ECPAS: variants seen among roughly 807,000 people sequenced by gnomAD.
The protein encoded by ECPAS is proteasome adapter and scaffold protein ECM29.
ECPAS carries 70 observed loss-of-function variants against 255.1 expected under a neutral mutation model. The observed-to-expected ratio is 0.27, with a 90% CI of 0.23 to 0.33. The LOEUF (loss-of-function observed/expected upper bound fraction) is 0.33, where lower values mean the gene tolerates loss of function less well. Ranked by LOEUF, ECPAS falls within the 10% of genes least tolerant of loss-of-function variation. The pLI is 1.00. For synonymous variants in ECPAS, 784 were observed against 775.0 expected, an observed-to-expected ratio of 1.01 and a Z score of -0.19; for missense variants, 1,817 against 2,206.4, an observed-to-expected ratio of 0.82 and a Z score of 3.54.
rs367705478 is a variant in ECPAS, at chr9:111,391,581, C to CA, written c.3161+174dup. On this transcript the variant is annotated intron_variant, in intron 29 of 49. Transcript: ENST00000684092. ...AGGCAACAAAAGTGAGGCTCCATCT[C>CA]AAAAAAAAAAAAAAAGACATCAGAC... Among the ~76,000 whole-genome samples, 444 of 104,288 alleles carry CA rather than the reference C, an allele frequency of 4.3e-3. 2 individuals carry two copies. Among genetic ancestry groups the CA allele is most frequent in the African/African-American group, 8.3e-3 (232 of 28,116 alleles). 68.4% of individuals were successfully genotyped at this position (104,288 alleles called of 152,430 possible).
Position 111,371,616 on chromosome 9 carries a change from T to G in ECPAS, c.4737+5A>C. The G allele has an allele frequency of 6.2e-7, 1 of 1,612,508 alleles. No individual in the cohort carries two copies. Among genetic ancestry groups the G allele is most frequent in the Non-Finnish European group, 8.5e-7 (1 of 1,178,906 alleles). ...CCTTTAACTGGGTATGAATGGTTCC[T>G]TTACCTTTCCTGCCCACGTTCTTCC... On this transcript the variant is annotated splice_donor_5th_base_variant and intron_variant, in intron 43 of 49. Coordinates refer to ENST00000684092, the MANE Select transcript of ECPAS (RefSeq NM_001364929.1).
At chr9:111,388,912 T>C (rs1208971347) in intron 31 of ECPAS, among the ~76,000 whole-genome samples, 1 of 152,214 alleles carries the variant, frequency 6.6e-6, no homozygotes, top group Non-Finnish European at 1.5e-5. Context: ...GTTGGGTTTA[T>C]GGTATTCTGA....
At chr9:111,468,937 G>C (rs1004142750) in intron 2 of ECPAS, among the ~76,000 whole-genome samples, 6 of 152,014 alleles carry the variant, frequency 3.9e-5, no homozygotes, top group Non-Finnish European at 7.4e-5. Flanking sequence ...TTTTCTGGTA[G>C]ATCAATCCTG....
intron 1 of ECPAS, among the ~76,000 whole-genome samples, chr9:111,481,019 G>A (rs940676053): frequency 2.6e-5 from 4 of 152,138 alleles, no homozygotes. Context: ...ACTTTAATGT[G>A]TTTGGTTCTA....
intron 2 of ECPAS, among the ~76,000 whole-genome samples, chr9:111,454,112 A>C (rs970698385): frequency 6.6e-6 from 1 of 152,178 alleles, no homozygotes; most frequent in Admixed American, 6.5e-5. Context: ...GCTGAGTTCA[A>C]CCCACAGTGT....
chr9:111,385,481 GGTCA>G (rs1281500296), intron 32 of ECPAS, 39 bp from the exon 33 acceptor site: 25 of 1,144,020 alleles, frequency 2.2e-5, no homozygotes, highest in African/African-American at 9.4e-5. Flanking sequence ...TGATGAAAAA[GGTCA>G]GTATTTTACT....
At chr9:111,457,053 G>C (rs2098267815) in intron 2 of ECPAS, among the ~76,000 whole-genome samples, 1 of 152,150 alleles carries the variant, frequency 6.6e-6, no homozygotes, top group South Asian at 2.1e-4. Flanking sequence ...ATTTTCCTAG[G>C]AGACAGCAGT....
chr9:111,462,289 C>A (rs756439989), intron 2 of ECPAS, among the ~76,000 whole-genome samples: 3 of 152,110 alleles, frequency 2.0e-5, no homozygotes, highest in South Asian at 2.1e-4. Context: ...CTGGAAATAA[C>A]CGTCACTGAA....
At chr9:111,429,000 A>G (rs921048413) in intron 9 of ECPAS, among the ~76,000 whole-genome samples, 4 of 152,226 alleles carry the variant, frequency 2.6e-5, no homozygotes, top group African/African-American at 9.6e-5. Flanking sequence ...AGAAAAATCT[A>G]CTAAGTACTG....
intron 2 of ECPAS, among the ~76,000 whole-genome samples, chr9:111,467,838 G>A (rs1380394579): frequency 1.3e-5 from 2 of 152,104 alleles, no homozygotes; most frequent in Non-Finnish European, 2.9e-5. Context: ...AATGTTGTGA[G>A]GTGCACTTAT....
chr9:111,371,471 G>T, intron 43 of ECPAS, 150 bp downstream of exon 43: 1 of 746,658 alleles, frequency 1.3e-6, no homozygotes, highest in Non-Finnish European at 2.2e-6. Context: ...AGTTAATCAG[G>T]CAAGGTTTAC....
intron 38 of ECPAS, among the ~76,000 whole-genome samples, 162 bp from the exon 39 acceptor site, chr9:111,374,200 GC>G (rs2098130768): frequency 6.6e-6 from 1 of 152,122 alleles, no homozygotes; most frequent in African/African-American, 2.4e-5. Context: ...AACTAGTAAT[GC>G]AGCGATTTTT....
rs1021748507 is a variant in ECPAS at position 111,370,471 on chromosome 9, C to T, written c.4938G>A (p.Gln1646=). ...ILKATKEDRF[Q]EFSNIVIPLI... is the part of the protein sequence containing the mutation. ...GAGGTATGACAATGTTAGAGAACTC[C>T]TGGAATCTGTCCTCTTTGGTGGCCT... Residue 1646 remains glutamine, a synonymous_variant, in exon 45 of 50, where the codon CAG becomes CAA. Coordinates refer to ENST00000684092, the MANE Select transcript of ECPAS (RefSeq NM_001364929.1). 1.9e-6 allele frequency: 3 copies of T among 1,608,878 alleles called. No individual in the cohort carries two copies. In the African/African-American group the frequency reaches 4.0e-5, roughly 22 times the overall value.
At chr9:111,475,769 T>TA (rs1344231523) in intron 1 of ECPAS, among the ~76,000 whole-genome samples, 7 of 149,928 alleles carry the variant, frequency 4.7e-5, no homozygotes, top group African/African-American at 1.5e-4. Context: ...GCAGTGAAAG[T>TA]AAAAAAATCA....
intron 24 of ECPAS, among the ~76,000 whole-genome samples, chr9:111,407,422 A>AAAAAAAAAAAAAAAAAC (rs2098186297): frequency 6.9e-6 from 1 of 144,144 alleles, no homozygotes; most frequent in African/African-American, 2.5e-5. Flanking sequence ...AAAAAAAAAA[A>AAAAAAAAAAAAAAAAAC]AAAAAAAAAA....
chr9:111,374,914 A>C (rs1362352445), intron 38 of ECPAS, among the ~76,000 whole-genome samples, 199 bp downstream of exon 38: 1 of 152,226 alleles, frequency 6.6e-6, no homozygotes, highest in African/African-American at 2.4e-5. Flanking sequence ...ATAAGTTAAT[A>C]CTTACTGGAA....
Position 111,371,555 on chromosome 9 carries a change from T to C in ECPAS, c.4737+66A>G, listed in dbSNP as rs567210589. The C allele has an allele frequency of 1.5e-4, 209 of 1,385,672 alleles. 2 individuals carry two copies. The East Asian group carries it at 4.4e-3, about 29-fold the overall frequency. 85.8% of individuals were successfully genotyped at this position (1,385,672 alleles called of 1,614,324 possible). ...GGAAAAGTTACACAAAACCAGATCG[T>C]TACTATTATGCAAAATGAAAGATGA... On this transcript the variant is annotated intron_variant, in intron 43 of 49. Coordinates refer to ENST00000684092, the MANE Select transcript of ECPAS (RefSeq NM_001364929.1).
chr9:111,373,551 T>C (rs1257643912), intron 39 of ECPAS, 145 bp from the exon 40 acceptor site: 10 of 656,284 alleles, frequency 1.5e-5, no homozygotes, highest in Non-Finnish European at 2.1e-5. Context: ...TATTTATATA[T>C]CCATTTGCTT....
Position 111,386,387 on chromosome 9 carries a change from G to A in ECPAS, c.3517C>T (p.Arg1173Ter). The change falls in exon 32 of 50, where the codon CGA becomes TGA. Residue 1173 changes from arginine (R) to a stop codon, truncating the protein, a stop_gained. Transcript: ENST00000684092. LOFTEE classifies it high-confidence loss of function. ...TCCTAAAAACGGTACCTGGATTCTC[G>A]AACTCGCCACATATTGCTTGTAAGG... Reference protein sequence around the residue: ...KNLTSNMWRVRESSCLALNDL... With the variant: ...KNLTSNMWRV 1 of 1,594,484 alleles carries A rather than the reference G, an allele frequency of 6.3e-7. No homozygotes were observed. Among genetic ancestry groups the A allele is most frequent in the Non-Finnish European group, 8.6e-7 (1 of 1,164,806 alleles).
Sources: allele counts gnomAD v4.1 joint callset (sites outside exome capture counted in the v4.1 genomes callset), GRCh38; gene constraint gnomAD v4.1.1; transcripts MANE v1.5; gene names NCBI Gene and HGNC (gene_info 2026-07-23, HGNC 2026-07-21).